CDH13: variants seen among roughly 807,000 people sequenced by gnomAD.
The protein encoded by CDH13 is cadherin-13.
In CDH13, 24 loss-of-function variants were observed where a neutral mutation model predicts 63.8. The ratio of observed to expected loss-of-function variants is 0.38; its 90% CI spans 0.27 to 0.53. The LOEUF (loss-of-function observed/expected upper bound fraction) is 0.53, where lower values mean the gene tolerates loss of function less well. Ranked by LOEUF, CDH13 falls within the 20% of genes least tolerant of loss-of-function variation. The pLI, the probability that CDH13 is intolerant of heterozygous loss-of-function variation, is 0.85. For synonymous variants in CDH13, 503 were observed against 355.3 expected, an observed-to-expected ratio of 1.42 and a Z score of -4.67; for missense variants, 1,049 against 903.1, an observed-to-expected ratio of 1.16 and a Z score of -2.07.
At chr16:83,105,471 A>G (rs186413865) in intron 3 of CDH13, among the ~76,000 whole-genome samples, 1 of 152,164 alleles carries the variant, frequency 6.6e-6, no homozygotes, top group African/African-American at 2.4e-5. Context: ...TGCCAGGGAG[A>G]GGAGAACAGT....
chr16:83,503,921 C>A (rs368181364), intron 7 of CDH13, among the ~76,000 whole-genome samples: 2 of 145,720 alleles, frequency 1.4e-5, no homozygotes, highest in Non-Finnish European at 3.0e-5. Context: ...TCAATTTTGG[C>A]TTTTGTTGCA....
At chr16:82,909,952 A>C (rs2041776012) in intron 2 of CDH13, among the ~76,000 whole-genome samples, 1 of 152,156 alleles carries the variant, frequency 6.6e-6, no homozygotes, top group African/African-American at 2.4e-5. Flanking sequence ...AAGAGGTTTT[A>C]TTAATACCTT....
At chr16:82,653,701 T>C (rs764976410) in intron 1 of CDH13, among the ~76,000 whole-genome samples, 1 of 152,102 alleles carries the variant, frequency 6.6e-6, no homozygotes, top group Non-Finnish European at 1.5e-5. Flanking sequence ...GTTGAGAAAC[T>C]TGGATTTCAC....
At chr16:82,675,707 C>G (rs1385060085) in intron 1 of CDH13, among the ~76,000 whole-genome samples, 1 of 152,122 alleles carries the variant, frequency 6.6e-6, no homozygotes, top group Non-Finnish European at 1.5e-5. Context: ...TTCTGGGTTC[C>G]CTTCCTGCCT....
chr16:82,704,671 G>T (rs1235751119), intron 1 of CDH13, among the ~76,000 whole-genome samples: 1 of 152,180 alleles, frequency 6.6e-6, no homozygotes, highest in East Asian at 1.9e-4. Context: ...GTTTCCCAGA[G>T]GAAGAAGCAG....
intron 5 of CDH13, among the ~76,000 whole-genome samples, chr16:83,297,997 G>T (rs975792263): frequency 6.8e-6 from 1 of 146,858 alleles, no homozygotes; most frequent in African/African-American, 2.5e-5. Context: ...GATTGCTTGA[G>T]CCCAGGAGTT....
chr16:83,014,743 A>AAAT (rs1429094653), intron 2 of CDH13, among the ~76,000 whole-genome samples: 6 of 33,230 alleles, frequency 1.8e-4, no homozygotes, highest in Admixed American at 4.3e-4. Context: ...AAAAAAAAAA[A>AAAT]ATATATATAT....
intron 2 of CDH13, among the ~76,000 whole-genome samples, chr16:82,885,492 C>CATCCATCCACCCATCCATCT (rs2151212382): frequency 6.7e-6 from 1 of 148,168 alleles, no homozygotes; most frequent in African/African-American, 2.5e-5. Context: ...CCCATCCATC[C>CATCCATCCACCCATCCATCT]ATCCATCCAC....
intron 5 of CDH13, among the ~76,000 whole-genome samples, chr16:83,292,568 T>C (rs2089490733): frequency 6.6e-6 from 1 of 152,148 alleles, no homozygotes; most frequent in South Asian, 2.1e-4. Flanking sequence ...AACAGGTCTT[T>C]TCAAATCAAG....
At chr16:83,447,538 T>A (rs531299466) in intron 6 of CDH13, among the ~76,000 whole-genome samples, 1 of 151,986 alleles carries the variant, frequency 6.6e-6, no homozygotes, top group Non-Finnish European at 1.5e-5. Context: ...ATAAACACCA[T>A]TGGTGCTGTT....
chr16:83,610,885 T>TGGAG (rs1908799092), intron 8 of CDH13, among the ~76,000 whole-genome samples: 1 of 152,226 alleles, frequency 6.6e-6, no homozygotes, highest in African/African-American at 2.4e-5. Context: ...ACCAGAGTAG[T>TGGAG]TAACTCCAGT....
chr16:82,862,069 G>A (rs35967259), intron 2 of CDH13, among the ~76,000 whole-genome samples: 2,589 of 152,288 alleles, frequency 0.017, 42 homozygotes, highest in South Asian at 0.026. Flanking sequence ...AATTCTGAAA[G>A]GAATCTGTGA....
At chr16:82,979,207 G>A (rs1909931927) in intron 2 of CDH13, among the ~76,000 whole-genome samples, 1 of 152,194 alleles carries the variant, frequency 6.6e-6, no homozygotes, top group South Asian at 2.1e-4. Flanking sequence ...GTATCTAACT[G>A]GCTTTGGATT....
chr16:83,011,229 A>T (rs1914122059), intron 2 of CDH13, among the ~76,000 whole-genome samples: 1 of 152,190 alleles, frequency 6.6e-6, no homozygotes, highest in African/African-American at 2.4e-5. Flanking sequence ...CTGTAGGCTC[A>T]GTTTCTCCCT....
chr16:82,791,235 TCC>T (rs1288741695), intron 1 of CDH13, among the ~76,000 whole-genome samples: 6 of 23,310 alleles, frequency 2.6e-4, no homozygotes, highest in Non-Finnish European at 5.3e-4. Context: ...AGACTCCGTC[TCC>T]AAAAAAAAAA....
intron 4 of CDH13, among the ~76,000 whole-genome samples, chr16:83,182,356 A>G (rs1033141533): frequency 1.8e-4 from 28 of 152,216 alleles, no homozygotes; most frequent in Non-Finnish European, 3.8e-4. Context: ...TGGAAGAGTC[A>G]TAATGCCAGG....
intron 1 of CDH13, among the ~76,000 whole-genome samples, chr16:82,647,570 C>T (rs973311052): frequency 1.3e-5 from 2 of 152,160 alleles, no homozygotes; most frequent in Non-Finnish European, 2.9e-5. Flanking sequence ...GGAATACCTG[C>T]TTCCAAGCCA....
intron 1 of CDH13, among the ~76,000 whole-genome samples, chr16:82,856,878 C>T (rs1187605513): frequency 6.6e-6 from 1 of 152,160 alleles, no homozygotes; most frequent in East Asian, 1.9e-4. Flanking sequence ...AGACAAAATG[C>T]GTATCTCCAA....
At chr16:83,508,055 A>AG (rs1343350266) in intron 7 of CDH13, among the ~76,000 whole-genome samples, 5 of 58,232 alleles carry the variant, frequency 8.6e-5, no homozygotes, top group African/African-American at 3.2e-4. Context: ...GAGAAAGAGA[A>AG]GAAGGAAGGA....
Sources: allele counts gnomAD v4.1 joint callset (sites outside exome capture counted in the v4.1 genomes callset), GRCh38; gene constraint gnomAD v4.1.1; transcripts MANE v1.5; gene names NCBI Gene and HGNC (gene_info 2026-07-23, HGNC 2026-07-21).